The following IL1RAPL1 variants were observed in gnomAD, a reference collection of about 807,000 sequenced individuals.
IL1RAPL1 encodes the protein interleukin-1 receptor accessory protein-like 1.
IL1RAPL1 carries 3 observed loss-of-function variants against 48.4 expected under a neutral mutation model. The observed-to-expected ratio is 0.06, with a 90% confidence interval of 0.03 to 0.16. The LOEUF (loss-of-function observed/expected upper bound fraction) is 0.16. IL1RAPL1 is among the 10% of genes least tolerant of loss of function. The probability of loss-of-function intolerance (pLI) is 1.00; values close to 1 mark genes in which losing one functional copy is unlikely to be tolerated. For missense variants in IL1RAPL1, 349 were observed against 530.6 expected, an observed-to-expected ratio of 0.66 and a Z score of 3.36; for synonymous variants, 185 against 187.7, an observed-to-expected ratio of 0.99 and a Z score of 0.12.
At chrX:29,471,401 A>T (rs1445340411) in intron 5 of IL1RAPL1, among the ~76,000 whole-genome samples, 1 of 111,456 alleles carries the variant, frequency 9.0e-6, no homozygotes, top group Non-Finnish European at 1.9e-5. Context: ...TCAGGGTTAG[A>T]TTTCATAGAA....
intron 2 of IL1RAPL1, among the ~76,000 whole-genome samples, chrX:29,058,380 T>TA (rs1014678206): frequency 1.8e-5 from 2 of 109,499 alleles, no homozygotes; most frequent in Non-Finnish European, 3.8e-5. Flanking sequence ...CATCTTAAAA[T>TA]AAAAAAAAGG....
At chrX:28,875,290 G>C (rs1181741218) in intron 2 of IL1RAPL1, among the ~76,000 whole-genome samples, 1 of 111,611 alleles carries the variant, frequency 9.0e-6, no homozygotes, top group African/African-American at 3.3e-5. Context: ...TTAAAGAATA[G>C]GCACAGCACA....
At chrX:28,990,310 T>C (rs1321347113) in intron 2 of IL1RAPL1, among the ~76,000 whole-genome samples, 1 of 111,866 alleles carries the variant, frequency 8.9e-6, no homozygotes, top group African/African-American at 3.2e-5. Context: ...TGAGAACATA[T>C]CTAGAATAAG....
chrX:28,738,732 G>C (rs1340991342), intron 1 of IL1RAPL1, among the ~76,000 whole-genome samples: 1 of 111,407 alleles, frequency 9.0e-6, no homozygotes, highest in Non-Finnish European at 1.9e-5. Flanking sequence ...GAAAGATAAT[G>C]TTGTTAGGAG....
chrX:28,642,076 T>A lies in IL1RAPL1; in HGVS notation c.-25+54029T>A, dbSNP rs1490393321. ...AAAAAAGACAAAGAAGGGCATTACA[T>A]AATGGTAAAGAGATCAATGCAACAA... is the stretch of plus-strand genomic sequence containing the variant. On this transcript the variant is annotated intron_variant, in intron 1 of 10. Transcript: ENST00000378993. Among the ~76,000 whole-genome samples, 3 of 111,490 alleles carry A rather than the reference T, an allele frequency of 2.7e-5. No homozygotes were observed. The East Asian group carries it at 8.5e-4, about 32-fold the overall frequency.
At chrX:29,354,031 T>G (rs1933269856) in intron 3 of IL1RAPL1, among the ~76,000 whole-genome samples, 1 of 110,398 alleles carries the variant, frequency 9.1e-6, no homozygotes, top group African/African-American at 3.3e-5. Flanking sequence ...ACAAATAACC[T>G]TATTGTTTAT....
chrX:29,672,975 A>G (rs1032314104), intron 6 of IL1RAPL1, among the ~76,000 whole-genome samples: 2 of 112,062 alleles, frequency 1.8e-5, no homozygotes, highest in African/African-American at 6.5e-5. Context: ...TAGTAAAAGG[A>G]TACACATTTT....
At chrX:28,842,947 T>A (rs1453016031) in intron 2 of IL1RAPL1, among the ~76,000 whole-genome samples, 1 of 111,278 alleles carries the variant, frequency 9.0e-6, no homozygotes. Flanking sequence ...GGAGAAAACG[T>A]TGAAATGATA....
intron 6 of IL1RAPL1, among the ~76,000 whole-genome samples, chrX:29,907,935 T>C (rs181541463): frequency 1.3e-4 from 14 of 111,682 alleles, no homozygotes; most frequent in African/African-American, 3.9e-4. Context: ...TTTCTAAATA[T>C]CATAGACCAT....
chrX:29,543,326 A>G (rs777577202), intron 5 of IL1RAPL1, among the ~76,000 whole-genome samples: 1 of 110,702 alleles, frequency 9.0e-6, no homozygotes, highest in East Asian at 2.9e-4. Flanking sequence ...GAATAATTGG[A>G]TGGATGAATG....
intron 6 of IL1RAPL1, among the ~76,000 whole-genome samples, chrX:29,841,334 C>T (rs1421262417): frequency 9.0e-6 from 1 of 111,538 alleles, no homozygotes; most frequent in African/African-American, 3.3e-5. Flanking sequence ...TTCATACAGC[C>T]AAGATATGAT....
intron 5 of IL1RAPL1, among the ~76,000 whole-genome samples, chrX:29,615,414 G>A (rs1351497913): frequency 9.1e-6 from 1 of 110,260 alleles, no homozygotes; most frequent in Non-Finnish European, 1.9e-5. Flanking sequence ...GAGGAGGGGA[G>A]GGGAGGGGAG....
chrX:29,493,925 C>T (rs983517127), intron 5 of IL1RAPL1, among the ~76,000 whole-genome samples: 3 of 111,239 alleles, frequency 2.7e-5, no homozygotes, highest in African/African-American at 6.5e-5. Flanking sequence ...AACAGAGTCT[C>T]GCTCTGTTGC....
intron 6 of IL1RAPL1, among the ~76,000 whole-genome samples, chrX:29,694,063 T>C (rs1378747806): frequency 8.9e-6 from 1 of 111,786 alleles, no homozygotes; most frequent in Admixed American, 9.5e-5. Flanking sequence ...TAAGCAGCTA[T>C]TCTTCTGGTT....
chrX:29,625,483 T>C (rs1234625188), intron 5 of IL1RAPL1, among the ~76,000 whole-genome samples: 1 of 111,947 alleles, frequency 8.9e-6, no homozygotes, highest in African/African-American at 3.2e-5. Flanking sequence ...AATACCTCCT[T>C]ATTATTGAAC....
At chrX:28,896,042 C>T (rs767414359) in intron 2 of IL1RAPL1, among the ~76,000 whole-genome samples, 9 of 112,245 alleles carry the variant, frequency 8.0e-5, no homozygotes, top group East Asian at 2.8e-4. Context: ...GCCAGATTTC[C>T]GGCACTTGTA....
At chrX:29,078,473 A>C (rs1418545190) in intron 2 of IL1RAPL1, among the ~76,000 whole-genome samples, 2 of 112,095 alleles carry the variant, frequency 1.8e-5, no homozygotes, top group African/African-American at 6.5e-5. Context: ...CAACCAGATA[A>C]ATTTGGTTAC....
intron 6 of IL1RAPL1, among the ~76,000 whole-genome samples, chrX:29,706,865 C>G (rs1425690202): frequency 1.8e-5 from 2 of 111,504 alleles, no homozygotes; most frequent in Non-Finnish European, 3.8e-5. Context: ...AAAAACCCTT[C>G]TAGACATTGG....
rs757831398 is a variant in IL1RAPL1 at position 29,524,542 on chromosome X, T to C, written c.703+125234T>C. On this transcript the variant is annotated intron_variant, in intron 5 of 10. Coordinates refer to ENST00000378993, the MANE Select transcript of IL1RAPL1 (RefSeq NM_014271.4). The stretch of plus-strand genomic sequence containing the variant: ...ATTTCATATTCTTTGACAATAGCTT[T>C]TGTTTATTACTAGAAACACTTCTCT... Among the ~76,000 whole-genome samples, 12 of 111,731 alleles carry C rather than the reference T, an allele frequency of 1.1e-4. No individual in the cohort carries two copies. The South Asian group carries it at 3.7e-3, about 35-fold the overall frequency.
Sources: allele counts gnomAD v4.1 joint callset (sites outside exome capture counted in the v4.1 genomes callset), GRCh38; gene constraint gnomAD v4.1.1; transcripts MANE v1.5; gene names NCBI Gene and HGNC (gene_info 2026-07-23, HGNC 2026-07-21).